The following TRAK2 variants were observed in gnomAD, a reference collection of about 807,000 sequenced individuals.
TRAK2 encodes trafficking kinesin protein 2, also known as trafficking kinesin-binding protein 2.
Under a neutral mutation model 104.6 loss-of-function variants are expected in TRAK2, and 81 were observed. The ratio of observed to expected loss-of-function variants is 0.77; its 90% CI spans 0.65 to 0.93. The LOEUF is 0.93. Among genes scored for constraint, TRAK2 ranks in the 40% least tolerant of loss-of-function variants. The pLI is 0.00. For missense variants in TRAK2, 1,002 were observed against 1,089.0 expected (o/e 0.92, Z 1.12); for synonymous variants, 406 against 394.4 (o/e 1.03, Z -0.35).
At chr2:201,419,531 A>T (rs1951721857) in intron 2 of TRAK2, 1 of 154,024 alleles carries the variant, frequency 6.5e-6, no homozygotes, top group African/African-American at 2.4e-5. Flanking sequence ...GGCAGAAAGC[A>T]GATTAGTGGT....
Position 201,379,157 on chromosome 2 carries a change from C to A in TRAK2, c.*1386G>T, listed in dbSNP as rs527808607. 1 of 152,300 alleles carries A rather than the reference C, an allele frequency of 6.6e-6. No individual in the cohort carries two copies. The highest frequency in any genetic ancestry group is 6.5e-5 in the Admixed American group (1 of 15,292). 9.4% of individuals were successfully genotyped at this position (152,300 alleles called of 1,614,324 possible). A position where few individuals can be genotyped will look rare whatever the true frequency, so the allele number is the denominator to read the frequency against. Reference sequence around the variant, plus strand: ...CTTTCTGAACTGCGTGCTGTCTAGACAAAGCCACGTCATCTGATGAGAAGC... The same window carrying A: ...CTTTCTGAACTGCGTGCTGTCTAGAAAAAGCCACGTCATCTGATGAGAAGC... On this transcript the variant is annotated 3_prime_UTR_variant, in exon 16 of 16. Transcript: ENST00000332624.
In TRAK2 at chr2:201,394,833, C is replaced by T. The variant is rs1395819486; in HGVS notation, c.940G>A (p.Ala314Thr). The change falls in exon 9 of 16, where the codon GCT (alanine) becomes ACT (threonine). Residue 314 changes from alanine (A) to threonine (T), a missense_variant. By Grantham distance (58) the Ala-to-Thr change is moderately conservative. Coordinates refer to ENST00000332624, the MANE Select transcript of TRAK2 (RefSeq NM_015049.3). ...EKEELKLHLQ[A>T]SKDAQRQLTM... Reference sequence around the variant, plus strand: ...AGTTGCCGTTGGGCATCTTTGGAAGCTTGCAGGTGAAGTTTTAGTTCTTCC... The same window carrying T: ...AGTTGCCGTTGGGCATCTTTGGAAGTTTGCAGGTGAAGTTTTAGTTCTTCC... 3.7e-6 allele frequency: 6 copies of T among 1,613,894 alleles called. No individual in the cohort carries two copies. The highest frequency in any genetic ancestry group is 5.1e-6 in the Non-Finnish European group (6 of 1,179,928).
rs1951311233 is a variant in TRAK2 at position 201,378,737 on chromosome 2, A to G, written c.*1806T>C. On this transcript the variant is annotated 3_prime_UTR_variant, in exon 16 of 16. Transcript: ENST00000332624. ...CAGCACAACTGAGTGAAGGGGAACG[A>G]AAGGGAGAGACCATCTTCACCCTTT... 6.6e-6 allele frequency: 1 copy of G among 152,246 alleles called. No homozygotes were observed. Among genetic ancestry groups the G allele is most frequent in the Non-Finnish European group, 1.5e-5 (1 of 68,038 alleles). 9.4% of individuals were successfully genotyped at this position (152,246 alleles called of 1,614,324 possible). A position where few individuals can be genotyped will look rare whatever the true frequency, so the allele number is the denominator to read the frequency against.
intron 7 of TRAK2, 39 bp from the exon 8 acceptor site, chr2:201,395,483 G>T (rs774828513): frequency 2.2e-5 from 32 of 1,467,626 alleles, no homozygotes; most frequent in Non-Finnish European, 2.8e-5. Flanking sequence ...TAATACAAAT[G>T]TAGAGAAGGA....
In TRAK2 at chr2:201,377,751, A is replaced by C. The variant is rs978736286; in HGVS notation, c.*2792T>G. On this transcript the variant is annotated 3_prime_UTR_variant, in exon 16 of 16. Coordinates refer to ENST00000332624, the MANE Select transcript of TRAK2 (RefSeq NM_015049.3). ...TAAGGACTCATGCCTAAGGTTATTT[A>C]CATAAGATTTGGGATCTTCATAATT... 1.1e-4 allele frequency: 17 copies of C among 152,620 alleles called. No homozygotes were observed. The highest frequency in any genetic ancestry group is 2.5e-4 in the Non-Finnish European group (17 of 68,034). The allele number at this position is 152,620 out of a possible 1,614,324, so 9.5% of individuals were successfully genotyped here.
At chr2:201,417,243 A>C (rs1453913874) in intron 2 of TRAK2, among the ~76,000 whole-genome samples, 2 of 18,610 alleles carry the variant, frequency 1.1e-4, no homozygotes, top group Non-Finnish European at 1.5e-4. Flanking sequence ...AGACATTGCA[A>C]AAAAAAAAAA....
chr2:201,439,513 AAAG>A (rs1353176582), intron 1 of TRAK2, among the ~76,000 whole-genome samples: 1 of 152,170 alleles, frequency 6.6e-6, no homozygotes, highest in African/African-American at 2.4e-5. Context: ...GAGGAAAAAA[AAAG>A]TCCTTAGGCC....
intron 1 of TRAK2, among the ~76,000 whole-genome samples, chr2:201,434,523 C>G (rs1265660643): frequency 1.3e-5 from 2 of 151,928 alleles, no homozygotes; most frequent in African/African-American, 4.8e-5. Flanking sequence ...TTGTCCCTAT[C>G]CATAAAGTTC....
intron 1 of TRAK2, among the ~76,000 whole-genome samples, chr2:201,446,607 A>G (rs1188070607): frequency 6.6e-6 from 1 of 152,258 alleles, no homozygotes; most frequent in Non-Finnish European, 1.5e-5. Context: ...GTGTAAAGCC[A>G]AGAACACAGA....
At chr2:201,384,260 G>A in intron 14 of TRAK2, 44 bp from the exon 15 acceptor site, 1 of 1,329,228 alleles carries the variant, frequency 7.5e-7, no homozygotes, top group Non-Finnish European at 1.1e-6. Flanking sequence ...TGAAAGTCTA[G>A]ATTAATAATG....
Position 201,389,826 on chromosome 2 carries a change from C to T in TRAK2, c.1168G>A (p.Glu390Lys), listed in dbSNP as rs140471328. 390 of 1,613,460 alleles carry T rather than the reference C, an allele frequency of 2.4e-4. No homozygotes were observed. The highest frequency in any genetic ancestry group is 9.9e-4 in the Middle Eastern group (6 of 6,082). The change falls in exon 11 of 16, where the codon GAG becomes AAG. Residue 390 changes from glutamate (E) to lysine (K), a missense_variant. Glu to Lys is a moderately conservative substitution (Grantham distance 56). Transcript: ENST00000332624. ...GTMRKKLSLD[E>K]ESSLFKQKAQ... ...TTTTGTTTAAAGAGAGAAGATTCCT[C>T]ATCCAAACTCAGCTTTTTACGCATA...
At chr2:201,411,533 A>G (rs1576521476) in intron 2 of TRAK2, 1 of 749,270 alleles carries the variant, frequency 1.3e-6, no homozygotes, top group South Asian at 1.3e-5. Context: ...ACTCCAACCT[A>G]TTCAGCATCT....
chr2:201,389,735 G>A (rs1021610535), intron 11 of TRAK2, 66 bp downstream of exon 11: 127 of 1,407,690 alleles, frequency 9.0e-5, no homozygotes, highest in Non-Finnish European at 1.3e-4. Context: ...TTGCCACTTT[G>A]GATTGTGGCT....
chr2:201,444,279 T>C (rs1951948647), intron 1 of TRAK2, among the ~76,000 whole-genome samples: 1 of 152,028 alleles, frequency 6.6e-6, no homozygotes, highest in Non-Finnish European at 1.5e-5. Context: ...GTAACGACAA[T>C]AAAACCACAC....
intron 3 of TRAK2, among the ~76,000 whole-genome samples, chr2:201,402,245 T>C (rs1370352727): frequency 1.3e-5 from 2 of 152,104 alleles, no homozygotes; most frequent in Non-Finnish European, 2.9e-5. Context: ...CAGTAATTCA[T>C]AGTTCCATAG....
chr2:201,393,092 C>T (rs778885391), intron 9 of TRAK2, 46 bp from the exon 10 acceptor site: 1 of 1,541,576 alleles, frequency 6.5e-7, no homozygotes. Flanking sequence ...CCCAAAACAA[C>T]ATTAGGGAAA....
chr2:201,421,030 G>A (rs1439971612), intron 1 of TRAK2, among the ~76,000 whole-genome samples: 1 of 152,150 alleles, frequency 6.6e-6, no homozygotes, highest in Admixed American at 6.6e-5. Flanking sequence ...TGTGGTGATG[G>A]TTTTACAAAT....
intron 2 of TRAK2, chr2:201,413,105 AT>A (rs201651519): frequency 9.6e-7 from 1 of 1,040,810 alleles, no homozygotes; most frequent in Non-Finnish European, 1.5e-6. Context: ...TTTGTCAATC[AT>A]TTTTTATCAA....
rs76048942 is a variant in TRAK2 at position 201,400,447 on chromosome 2, A to G, written c.363+571T>C. Among the ~76,000 whole-genome samples, 542 of 152,200 alleles carry G rather than the reference A, an allele frequency of 3.6e-3. 1 individual carries two copies. Among genetic ancestry groups the G allele is most frequent in the South Asian group, 8.1e-3 (39 of 4,828 alleles). On this transcript the variant is annotated intron_variant, in intron 4 of 15. Coordinates refer to ENST00000332624, the MANE Select transcript of TRAK2 (RefSeq NM_015049.3). ...TAAATAATCGCTAAATGGCATACAT[A>G]GAAATCATTCTGGAGAGCTGGGGGG...
Sources: allele counts gnomAD v4.1 joint callset (sites outside exome capture counted in the v4.1 genomes callset), GRCh38; gene constraint gnomAD v4.1.1; transcripts MANE v1.5; gene names NCBI Gene and HGNC (gene_info 2026-07-23, HGNC 2026-07-21).